The following CDK15 variants were observed in gnomAD, a reference collection of about 807,000 sequenced individuals.
CDK15 encodes cyclin-dependent kinase 15.
CDK15 carries 62 observed loss-of-function variants against 60.3 expected under a neutral mutation model. The ratio of observed to expected loss-of-function variants is 1.03; its 90% CI spans 0.84 to 1.27. CDK15 has a LOEUF of 1.27. Among genes scored for constraint, CDK15 ranks in the 50% most tolerant of loss-of-function variants. The pLI, the probability that CDK15 is intolerant of heterozygous loss-of-function variation, is 0.00. For synonymous variants in CDK15, 194 were observed against 195.7 expected (o/e 0.99, Z 0.07); for missense variants, 541 against 527.8 (o/e 1.03, Z -0.25).
chr2:201,866,901 C>T (rs967875648), intron 10 of CDK15, among the ~76,000 whole-genome samples: 26 of 152,120 alleles, frequency 1.7e-4, no homozygotes, highest in Non-Finnish European at 3.4e-4. Context: ...CTGACTGACC[C>T]GGACACATCC....
chr2:201,885,377 A>T (rs1358295920), intron 12 of CDK15, among the ~76,000 whole-genome samples: 1 of 152,162 alleles, frequency 6.6e-6, no homozygotes, highest in African/African-American at 2.4e-5. Flanking sequence ...GGGAGGGAAG[A>T]TTCTCAGCCA....
intron 13 of CDK15, among the ~76,000 whole-genome samples, chr2:201,891,570 G>A (rs926649151): frequency 1.3e-5 from 2 of 152,050 alleles, no homozygotes; most frequent in Non-Finnish European, 2.9e-5. Flanking sequence ...ACCTTCCAGG[G>A]TAATCTTGAG....
chr2:201,850,575 T>C (rs11903222), intron 9 of CDK15, among the ~76,000 whole-genome samples: 13,883 of 152,230 alleles, frequency 0.091, 980 homozygotes, highest in East Asian at 0.22. Context: ...CAAGAAACTA[T>C]AGATGCAGTA....
chr2:201,850,775 T>C (rs1197623923), intron 9 of CDK15, among the ~76,000 whole-genome samples: 1 of 152,190 alleles, frequency 6.6e-6, no homozygotes, highest in African/African-American at 2.4e-5. Flanking sequence ...AATGCTCCCT[T>C]TCCTCCACAT....
At chr2:201,850,038 T>A (rs1420246797) in intron 9 of CDK15, among the ~76,000 whole-genome samples, 3 of 152,238 alleles carry the variant, frequency 2.0e-5, no homozygotes, top group African/African-American at 4.8e-5. Context: ...TTGGTCAGGC[T>A]GGTCTCAAAC....
chr2:201,859,041 A>T (rs1429482605), intron 10 of CDK15, among the ~76,000 whole-genome samples: 2 of 152,124 alleles, frequency 1.3e-5, no homozygotes, highest in Admixed American at 6.5e-5. Flanking sequence ...TCTTTCACAC[A>T]ATTAGCCAAG....
intron 10 of CDK15, among the ~76,000 whole-genome samples, chr2:201,871,913 C>T (rs562130137): frequency 2.6e-5 from 4 of 152,066 alleles, no homozygotes; most frequent in African/African-American, 9.6e-5. Flanking sequence ...ATTTCTGGGT[C>T]CACATTTTGC....
chr2:201,859,481 C>A (rs1326800216), intron 10 of CDK15, among the ~76,000 whole-genome samples: 7 of 152,154 alleles, frequency 4.6e-5, no homozygotes, highest in Non-Finnish European at 1.0e-4. Context: ...GTAGGTTTCA[C>A]CATCAGAACC....
rs536741461 is a variant in CDK15 at position 201,882,694 on chromosome 2, T to G, written c.1198+2527T>G. 6.7e-6 allele frequency among the ~76,000 whole-genome samples: 1 copy of G among 149,380 alleles called. No individual in the cohort carries two copies. Among genetic ancestry groups the G allele is most frequent in the East Asian group, 2.0e-4 (1 of 5,054 alleles). On this transcript the variant is annotated intron_variant, in intron 12 of 13. Transcript: ENST00000652192. The surrounding 1 kb of genome is among the most constrained non-coding windows in gnomAD (Gnocchi z 4.0). ...GAGTGCACGAGCATGTGTGTGTGCT[T>G]GTGTATGTGTGTGACAGGGTGGTGG...
chr2:201,887,920 T>C (rs144565192), intron 12 of CDK15, among the ~76,000 whole-genome samples: 76 of 152,238 alleles, frequency 5.0e-4, no homozygotes, highest in Non-Finnish European at 8.5e-4. Context: ...CTTTGAATAA[T>C]TGAATGCACT....
rs377070049 is a variant in CDK15, at chr2:201,822,906, G to A, written c.543+3G>A. 3.1e-5 allele frequency: 48 copies of A among 1,566,990 alleles called. No homozygotes were observed. The highest frequency in any genetic ancestry group is 3.8e-5 in the Non-Finnish European group (43 of 1,137,530). ...TGACATTCGTTTTTGAATACATGGTGAGTTGTTCGAGCATTTTACAACACT... is the reference window on the plus strand; with the variant it reads ...TGACATTCGTTTTTGAATACATGGTAAGTTGTTCGAGCATTTTACAACACT... On this transcript the variant is annotated splice_donor_region_variant and intron_variant, in intron 5 of 13. Coordinates refer to ENST00000652192, the MANE Select transcript of CDK15 (RefSeq NM_001366386.2).
At chr2:201,823,553 A>C (rs916654941) in intron 5 of CDK15, 112 bp from the exon 6 acceptor site, 37 of 977,884 alleles carry the variant, frequency 3.8e-5, no homozygotes, top group Middle Eastern at 2.2e-4. Flanking sequence ...CCTTATTCTT[A>C]AAATTCTGTA....
intron 12 of CDK15, among the ~76,000 whole-genome samples, chr2:201,886,443 A>C (rs1051762678): frequency 2.6e-5 from 4 of 151,740 alleles, no homozygotes; most frequent in Non-Finnish European, 5.9e-5. Flanking sequence ...CTCCCGCCTC[A>C]GCCTCCCGAG....
intron 3 of CDK15, among the ~76,000 whole-genome samples, chr2:201,809,820 C>G (rs1263610843): frequency 6.6e-6 from 1 of 152,168 alleles, no homozygotes; most frequent in Non-Finnish European, 1.5e-5. Context: ...CAGTCAAGGA[C>G]TTTTAACTTG....
chr2:201,835,631 C>G lies in CDK15; in HGVS notation c.731-12C>G, dbSNP rs1696971747. 1 of 1,598,974 alleles carries G rather than the reference C, an allele frequency of 6.3e-7. No homozygotes were observed. The highest frequency in any genetic ancestry group is 8.5e-7 in the Non-Finnish European group (1 of 1,170,194). On this transcript the variant is annotated splice_polypyrimidine_tract_variant and intron_variant, in intron 7 of 13. Transcript: ENST00000652192. ...CAGAACGATGGGTTTTATGCTTTTCCCTTTTGGACAGGTCTTGCCCGGGCC... is the reference window on the plus strand; with the variant it reads ...CAGAACGATGGGTTTTATGCTTTTCGCTTTTGGACAGGTCTTGCCCGGGCC...
At chr2:201,880,415 T>C (rs1699235965) in intron 12 of CDK15, among the ~76,000 whole-genome samples, 2 of 152,162 alleles carry the variant, frequency 1.3e-5, no homozygotes, top group Admixed American at 6.5e-5. Flanking sequence ...TTTGTAATGG[T>C]CCAGACATTT....
intron 4 of CDK15, among the ~76,000 whole-genome samples, chr2:201,813,851 T>C (rs553995497): frequency 2.4e-4 from 36 of 152,318 alleles, no homozygotes; most frequent in African/African-American, 7.2e-4. Flanking sequence ...AAATGGGCTA[T>C]TGGTTTAGCC....
At chr2:201,856,019 G>A (rs1698132493) in intron 10 of CDK15, among the ~76,000 whole-genome samples, 1 of 151,978 alleles carries the variant, frequency 6.6e-6, no homozygotes, top group Non-Finnish European at 1.5e-5. Flanking sequence ...GTAGAGATGA[G>A]GTTTCACCAT....
intron 8 of CDK15, among the ~76,000 whole-genome samples, chr2:201,839,712 C>A (rs1697288176): frequency 2.0e-5 from 3 of 151,770 alleles, no homozygotes; most frequent in South Asian, 4.2e-4. Flanking sequence ...AATAACGAAA[C>A]AAAAGTGACA....
Sources: allele counts gnomAD v4.1 joint callset (sites outside exome capture counted in the v4.1 genomes callset), GRCh38; gene constraint gnomAD v4.1.1; non-coding constraint Gnocchi (gnomAD v3.1); transcripts MANE v1.5; gene names NCBI Gene and HGNC (gene_info 2026-07-23, HGNC 2026-07-21).